PBLD: variants seen among roughly 807,000 people sequenced by gnomAD.
PBLD encodes phenazine biosynthesis like protein domain containing, also known as phenazine biosynthesis-like domain-containing protein.
In PBLD, 26 loss-of-function variants were observed where a neutral mutation model predicts 31.3. The ratio of observed to expected loss-of-function variants is 0.83; its 90% CI spans 0.61 to 1.15. The LOEUF (loss-of-function observed/expected upper bound fraction) is 1.15, where lower values mean the gene tolerates loss of function less well. PBLD is among the 50% of genes most tolerant of loss of function. PBLD has a pLI of 0.00. For synonymous variants in PBLD, 114 were observed against 129.0 expected, an observed-to-expected ratio of 0.88 and a Z score of 0.79; for missense variants, 307 against 351.7, an observed-to-expected ratio of 0.87 and a Z score of 1.02.
rs143823795 is a variant in PBLD at position 68,292,153 on chromosome 10, C to T, written c.369G>A (p.Leu123=). The T allele has an allele frequency of 6.2e-7, 1 of 1,613,912 alleles. No individual in the cohort carries two copies. The highest frequency in any genetic ancestry group is 1.1e-5 in the South Asian group (1 of 91,064). The change falls in exon 5 of 10, where the codon TTG becomes TTA. Residue 123 remains leucine (L), a synonymous_variant. Coordinates refer to ENST00000358769, the MANE Select transcript of PBLD (RefSeq NM_022129.4). The part of the protein sequence containing the change: ...RRAEDGIVLD[L]PLYPAHPQDF... ...CCTGGGGGTGGGCTGGATAAAGAGGCAAGTCCAGGACGATGCCATCCTCTG... is the reference window on the plus strand; with the variant it reads ...CCTGGGGGTGGGCTGGATAAAGAGGTAAGTCCAGGACGATGCCATCCTCTG...
intron 4 of PBLD, among the ~76,000 whole-genome samples, chr10:68,292,850 T>G (rs548270868): frequency 1.3e-5 from 2 of 152,082 alleles, no homozygotes; most frequent in African/African-American, 4.8e-5. Context: ...TAAAATGAGG[T>G]TAATACATTA....
At chr10:68,314,791 T>C (rs528272035) in intron 1 of PBLD, among the ~76,000 whole-genome samples, 7 of 151,984 alleles carry the variant, frequency 4.6e-5, no homozygotes, top group Non-Finnish European at 8.8e-5. Flanking sequence ...AATTTAATTT[T>C]ATTTATTTAT....
intron 1 of PBLD, among the ~76,000 whole-genome samples, chr10:68,316,382 T>G (rs1347925474): frequency 6.6e-6 from 1 of 151,844 alleles, no homozygotes; most frequent in Non-Finnish European, 1.5e-5. Flanking sequence ...CAACAGCAGG[T>G]TTAAGCAAGC....
chr10:68,298,070 A>AC (rs141935684), intron 2 of PBLD, among the ~76,000 whole-genome samples: 7,414 of 151,764 alleles, frequency 0.049, 262 homozygotes, highest in East Asian at 0.18. Context: ...GTTCAAGACC[A>AC]CCCCCCAGTC....
Position 68,326,016 on chromosome 10 carries a change from A to AT in PBLD, c.-60+6767dup, listed in dbSNP as rs147774090. On this transcript the variant is annotated intron_variant, in intron 1 of 9. Coordinates refer to ENST00000358769, the MANE Select transcript of PBLD (RefSeq NM_022129.4). ...GGACAGGTTCACTTTATGTACGTGC[A>AT]TTTTTTTTTTAGCTCATCCAACATT... is the stretch of plus-strand genomic sequence containing the variant. Among the ~76,000 whole-genome samples the AT allele has an allele frequency of 2.2e-3, 331 of 147,450 alleles. 2 individuals carry two copies. The highest frequency in any genetic ancestry group is 6.0e-3 in the African/African-American group (244 of 40,500).
chr10:68,284,421 T>C (rs755204518), intron 9 of PBLD, 132 bp from the exon 10 acceptor site: 2 of 739,540 alleles, frequency 2.7e-6, no homozygotes, highest in Non-Finnish European at 4.4e-6. Flanking sequence ...CGTCTGTTTA[T>C]GGTACTGCCC....
At chr10:68,313,704 A>G (rs1464114003) in intron 1 of PBLD, among the ~76,000 whole-genome samples, 1 of 152,204 alleles carries the variant, frequency 6.6e-6, no homozygotes, top group Non-Finnish European at 1.5e-5. Context: ...GCTCCTCAAA[A>G]GCTCAAGGGC....
At position 68,284,160 on chromosome 10, in the gene PBLD, T is replaced by A; in HGVS notation, c.*17A>T. On this transcript the variant is annotated 3_prime_UTR_variant, in exon 10 of 10. Transcript: ENST00000358769. Reference sequence around the variant, plus strand: ...TACTTGGTGGTTAGAGACAGCAGCGTCACAGCATAACCACCTCTAGGCTGT... The same window carrying A: ...TACTTGGTGGTTAGAGACAGCAGCGACACAGCATAACCACCTCTAGGCTGT... 6.3e-7 allele frequency: 1 copy of A among 1,596,496 alleles called. No homozygotes were observed. Among genetic ancestry groups the A allele is most frequent in the Non-Finnish European group, 8.6e-7 (1 of 1,165,998 alleles).
At chr10:68,318,993 A>G (rs1564737292) in intron 1 of PBLD, among the ~76,000 whole-genome samples, 1 of 150,774 alleles carries the variant, frequency 6.6e-6, no homozygotes, top group East Asian at 1.9e-4. Context: ...GAAGTTAGGA[A>G]AGAAAGAGAG....
chr10:68,301,549 T>C (rs1427663644), intron 2 of PBLD, among the ~76,000 whole-genome samples: 1 of 152,192 alleles, frequency 6.6e-6, no homozygotes, highest in Non-Finnish European at 1.5e-5. Flanking sequence ...AATCGAAAGG[T>C]GATCAAGAAA....
At chr10:68,302,544 T>C (rs2044517762) in intron 2 of PBLD, among the ~76,000 whole-genome samples, 1 of 152,130 alleles carries the variant, frequency 6.6e-6, no homozygotes, top group African/African-American at 2.4e-5. Flanking sequence ...GGCAAACTTG[T>C]AAACTAAAAT....
At chr10:68,328,259 A>G (rs1031989406) in intron 1 of PBLD, among the ~76,000 whole-genome samples, 1 of 152,216 alleles carries the variant, frequency 6.6e-6, no homozygotes, top group African/African-American at 2.4e-5. Context: ...TGCTTTTTAC[A>G]TAGGCAAAAG....
At chr10:68,320,658 TTCTC>T (rs1367458373) in intron 1 of PBLD, among the ~76,000 whole-genome samples, 1 of 152,030 alleles carries the variant, frequency 6.6e-6, no homozygotes, top group Non-Finnish European at 1.5e-5. Flanking sequence ...ATTGTTGTAT[TTCTC>T]TCTTTCTTTT....
At chr10:68,285,952 A>G (rs1354126166) in intron 8 of PBLD, among the ~76,000 whole-genome samples, 1 of 152,132 alleles carries the variant, frequency 6.6e-6, no homozygotes, top group East Asian at 1.9e-4. Context: ...AAGTGCTGGG[A>G]TTACAGGTAT....
At chr10:68,299,509 T>C (rs912800320) in intron 2 of PBLD, among the ~76,000 whole-genome samples, 3 of 152,114 alleles carry the variant, frequency 2.0e-5, no homozygotes, top group African/African-American at 7.2e-5. Flanking sequence ...GGCATAAAAG[T>C]GTGATTATTG....
intron 4 of PBLD, among the ~76,000 whole-genome samples, chr10:68,293,695 G>A (rs142747897): frequency 2.6e-5 from 4 of 152,202 alleles, no homozygotes; most frequent in East Asian, 1.9e-4. Context: ...ACCAACCCAC[G>A]TGGAGTCCAG....
rs1398974318 is a variant in PBLD, at chr10:68,302,931, G to GT, written c.84+3829dup. 1.0e-4 allele frequency among the ~76,000 whole-genome samples: 15 copies of GT among 149,906 alleles called. No homozygotes were observed. The East Asian group carries it at 2.7e-3, about 27-fold the overall frequency. On this transcript the variant is annotated intron_variant, in intron 2 of 9. Transcript: ENST00000358769. ...CAGTAGCTAGTCATGGGTCCCTCTA[G>GT]TTTTTTACCCAGCTATCATCATAAT...
At chr10:68,320,603 T>C (rs563749879) in intron 1 of PBLD, among the ~76,000 whole-genome samples, 2 of 152,332 alleles carry the variant, frequency 1.3e-5, no homozygotes, top group Non-Finnish European at 2.9e-5. Context: ...GTAAATGCTA[T>C]GTCAAAACTT....
At chr10:68,286,648 ACT>A (rs2044292163) in intron 8 of PBLD, among the ~76,000 whole-genome samples, 2 of 152,086 alleles carry the variant, frequency 1.3e-5, no homozygotes, top group African/African-American at 4.8e-5. Context: ...CAAAAGGCAA[ACT>A]CTTCCACCAA....
Sources: allele counts gnomAD v4.1 joint callset (sites outside exome capture counted in the v4.1 genomes callset), GRCh38; gene constraint gnomAD v4.1.1; transcripts MANE v1.5; gene names NCBI Gene and HGNC (gene_info 2026-07-23, HGNC 2026-07-21).